The following MCCD1 variants were observed in gnomAD, a reference collection of about 807,000 sequenced individuals.
MCCD1 encodes mitochondrial coiled-coil domain 1.
MCCD1 carries 5 observed loss-of-function variants against 5.6 expected under a neutral mutation model. That is an observed-to-expected ratio of 0.89 (90% CI 0.46 to 1.87). The LOEUF (loss-of-function observed/expected upper bound fraction) is 1.87, where lower values mean the gene tolerates loss of function less well. Ranked by LOEUF, MCCD1 falls within the 40% of genes most tolerant of loss-of-function variation. The pLI, the probability that MCCD1 is intolerant of heterozygous loss-of-function variation, is 0.01. For synonymous variants in MCCD1, 70 were observed against 57.3 expected (o/e 1.22, Z -1.00); for missense variants, 178 against 141.8 (o/e 1.26, Z -1.30).
Position 31,529,742 on chromosome 6 carries a change from A to G in MCCD1, c.172-5A>G. The G allele has an allele frequency of 6.9e-7, 1 of 1,459,728 alleles. No homozygotes were observed. The highest frequency in any genetic ancestry group is 9.1e-7 in the Non-Finnish European group (1 of 1,100,292). The allele number at this position is 1,459,728 out of a possible 1,614,324, so 90.4% of individuals were successfully genotyped here. On this transcript the variant is annotated splice_region_variant and splice_polypyrimidine_tract_variant and intron_variant, in intron 1 of 1. Coordinates refer to ENST00000376191, the MANE Select transcript of MCCD1 (RefSeq NM_001011700.3). The stretch of plus-strand genomic sequence containing the variant: ...TGATGCTCCCTCCCTTAATTCCCTG[A>G]CCAGGGCCCTGGGACCCACCGCACA...
In MCCD1 at chr6:31,529,906, C is replaced by A; in HGVS notation, c.331C>A (p.His111Asn). 2 of 1,545,328 alleles carry A rather than the reference C, an allele frequency of 1.3e-6. No individual in the cohort carries two copies. The highest frequency in any genetic ancestry group is 2.4e-5 in the South Asian group (2 of 83,846). ...IQKLKEQMRRHQESLGGGA is the reference protein window; with the variant it reads ...IQKLKEQMRRNQESLGGGA ...GAAGCTGAAGGAACAGATGAGGAGG[C>A]ACCAAGAGAGCCTTGGAGGAGGCGC... Residue 111 changes from histidine to asparagine, a missense_variant, in exon 2 of 2, where the codon CAC becomes AAC. Coordinates refer to ENST00000376191, the MANE Select transcript of MCCD1 (RefSeq NM_001011700.3).
In MCCD1 at chr6:31,528,966, C is replaced by A; in HGVS notation, c.-49C>A. On this transcript the variant is annotated 5_prime_UTR_variant, in exon 1 of 2. Transcript: ENST00000376191. ...GGCCAAGTCCTGGAGCGAACCAGTT[C>A]CTGGTGGCCGTTGGACAGCTCACAC... 6.4e-7 allele frequency: 1 copy of A among 1,573,022 alleles called. No homozygotes were observed. Among genetic ancestry groups the A allele is most frequent in the South Asian group, 1.1e-5 (1 of 87,254 alleles).
In MCCD1 at chr6:31,529,071, C is replaced by A. The variant is rs1373282821; in HGVS notation, c.57C>A (p.Pro19=). 1.2e-6 allele frequency: 2 copies of A among 1,612,754 alleles called. No individual in the cohort carries two copies. The highest frequency in any genetic ancestry group is 1.7e-6 in the Non-Finnish European group (2 of 1,179,928). ...SRYHFLRLLL[P]SWSLAPQGSH... ...ACCATTTCCTTCGCCTCCTTCTGCC[C>A]TCCTGGTCCTTGGCACCCCAGGGCT... is the stretch of plus-strand genomic sequence containing the variant. Residue 19 remains proline (P), a synonymous_variant, in exon 1 of 2, where the codon CCC becomes CCA. Transcript: ENST00000376191.
chr6:31,530,084 G>C lies in MCCD1; in HGVS notation c.*149G>C. 1.0e-5 allele frequency: 14 copies of C among 1,375,804 alleles called. No homozygotes were observed. The highest frequency in any genetic ancestry group is 1.2e-5 in the Non-Finnish European group (13 of 1,044,884). The allele number at this position is 1,375,804 out of a possible 1,614,324, so 85.2% of individuals were successfully genotyped here. On this transcript the variant is annotated 3_prime_UTR_variant, in exon 2 of 2. Coordinates refer to ENST00000376191, the MANE Select transcript of MCCD1 (RefSeq NM_001011700.3). The surrounding 1 kb of genome is among the most constrained non-coding windows in gnomAD (Gnocchi z 4.5). ...CGCAGGCAATTGGCAGGCAGTGGGGGAGCCAGGGCTCTGCAGTCTTAGTCC... is the reference window on the plus strand; with the variant it reads ...CGCAGGCAATTGGCAGGCAGTGGGGCAGCCAGGGCTCTGCAGTCTTAGTCC...
chr6:31,529,692 C>T, intron 1 of MCCD1, 55 bp from the exon 2 acceptor site: 2 of 1,390,972 alleles, frequency 1.4e-6, no homozygotes, highest in Non-Finnish European at 1.9e-6. Flanking sequence ...CAAAGCTTCC[C>T]AGGGCCTCAG....
Position 31,529,817 on chromosome 6 carries a change from A to C in MCCD1, c.242A>C (p.Tyr81Ser). The C allele has an allele frequency of 2.5e-6, 4 of 1,600,826 alleles. No homozygotes were observed. Among genetic ancestry groups the C allele is most frequent in the Non-Finnish European group, 3.4e-6 (4 of 1,174,692 alleles). Residue 81 changes from tyrosine (Y) to serine (S), a missense_variant, in exon 2 of 2, where the codon TAC becomes TCC. Tyr to Ser is a moderately radical substitution (Grantham distance 144). Coordinates refer to ENST00000376191, the MANE Select transcript of MCCD1 (RefSeq NM_001011700.3). ...EELLEQQLELYQALLEGQEGA... is the reference protein window; with the variant it reads ...EELLEQQLELSQALLEGQEGA... ...TTGTTGGAGCAGCAGCTGGAGCTGT[A>C]CCAGGCCCTCCTTGAAGGGCAGGAG...
At position 31,529,161 on chromosome 6, in the gene MCCD1, T is replaced by C; in HGVS notation, c.147T>C (p.Asn49=). 2.5e-6 allele frequency: 4 copies of C among 1,612,194 alleles called. No homozygotes were observed. Among genetic ancestry groups the C allele is most frequent in the Non-Finnish European group, 3.4e-6 (4 of 1,179,708 alleles). ...SMEEQTSSRG[N]GKMTSPPRGP... ...AAGAGCAGACCAGCTCCAGAGGAAATGGGAAGATGACGTCCCCTCCCAGGG... is the reference window on the plus strand; with the variant it reads ...AAGAGCAGACCAGCTCCAGAGGAAACGGGAAGATGACGTCCCCTCCCAGGG... Residue 49 remains asparagine, a synonymous_variant, in exon 1 of 2, where the codon AAT becomes AAC. Transcript: ENST00000376191.
chr6:31,529,833 A>G lies in MCCD1; in HGVS notation c.258A>G (p.Glu86=), dbSNP rs1766939149. ...QQLELYQALL[E]GQEGAWEAQA... ...TGGAGCTGTACCAGGCCCTCCTTGAAGGGCAGGAGGGAGCCTGGGAGGCCC... is the reference window on the plus strand; with the variant it reads ...TGGAGCTGTACCAGGCCCTCCTTGAGGGGCAGGAGGGAGCCTGGGAGGCCC... Residue 86 remains glutamate, a synonymous_variant, in exon 2 of 2, where the codon GAA becomes GAG. Transcript: ENST00000376191. 6.3e-7 allele frequency: 1 copy of G among 1,595,136 alleles called. No individual in the cohort carries two copies. Among genetic ancestry groups the G allele is most frequent in the Non-Finnish European group, 8.5e-7 (1 of 1,172,404 alleles).
chr6:31,529,076 G>C lies in MCCD1; in HGVS notation c.62G>C (p.Trp21Ser). 6.2e-7 allele frequency: 1 copy of C among 1,612,596 alleles called. No individual in the cohort carries two copies. Residue 21 changes from tryptophan to serine, a missense_variant, in exon 1 of 2, where the codon TGG (tryptophan) becomes TCG (serine). Trp to Ser is a radical substitution (Grantham distance 177). Coordinates refer to ENST00000376191, the MANE Select transcript of MCCD1 (RefSeq NM_001011700.3). ...TTCCTTCGCCTCCTTCTGCCCTCCT[G>C]GTCCTTGGCACCCCAGGGCTCCCAT... ...YHFLRLLLPSWSLAPQGSHGC... is the reference protein window; with the variant it reads ...YHFLRLLLPSSSLAPQGSHGC...
chr6:31,529,475 CTCT>C (rs1766889065), intron 1 of MCCD1, among the ~76,000 whole-genome samples: 1 of 147,642 alleles, frequency 6.8e-6, no homozygotes, highest in African/African-American at 2.5e-5. Flanking sequence ...GCAGCTGATC[CTCT>C]TTCCAGTGAC....
Position 31,529,090 on chromosome 6 carries a change from C to G in MCCD1, c.76C>G (p.Gln26Glu). The G allele has an allele frequency of 6.2e-7, 1 of 1,612,784 alleles. No homozygotes were observed. Among genetic ancestry groups the G allele is most frequent in the Non-Finnish European group, 8.5e-7 (1 of 1,179,880 alleles). Residue 26 changes from glutamine (Q) to glutamate (E), a missense_variant, in exon 1 of 2, where the codon CAG (glutamine) becomes GAG (glutamate). Transcript: ENST00000376191. ...TCTGCCCTCCTGGTCCTTGGCACCC[C>G]AGGGCTCCCATGGGTGCTGCTCCCA... ...LLLPSWSLAP[Q>E]GSHGCCSQNP... is the part of the protein sequence containing the mutation.
chr6:31,529,251 C>A (rs1284806465), intron 1 of MCCD1, 66 bp downstream of exon 1: 4 of 1,485,432 alleles, frequency 2.7e-6, no homozygotes, highest in South Asian at 1.2e-5. Flanking sequence ...GAAAAAAAAA[C>A]CCTCAATCCC....
rs763709499 is a variant in MCCD1, at chr6:31,530,135, C to T, written c.*200C>T. 9.2e-7 allele frequency: 1 copy of T among 1,085,428 alleles called. No individual in the cohort carries two copies. The highest frequency in any genetic ancestry group is 1.3e-6 in the Non-Finnish European group (1 of 786,982). The allele number at this position is 1,085,428 out of a possible 1,614,324, so 67.2% of individuals were successfully genotyped here. On this transcript the variant is annotated 3_prime_UTR_variant, in exon 2 of 2. Coordinates refer to ENST00000376191, the MANE Select transcript of MCCD1 (RefSeq NM_001011700.3). This position sits in a 1 kb window ranked among gnomAD's most constrained non-coding sequence, Gnocchi z 4.5. ...CATTCCCCTTTGATCTCACAGCAGG[C>T]AGGGCACCCAGGCCTTATAGGAATT...
In MCCD1 at chr6:31,529,903, A is replaced by T; in HGVS notation, c.328A>T (p.Arg110Trp). ...KIQKLKEQMRRHQESLGGGA is the reference protein window; with the variant it reads ...KIQKLKEQMRWHQESLGGGA ...CCAGAAGCTGAAGGAACAGATGAGG[A>T]GGCACCAAGAGAGCCTTGGAGGAGG... The change falls in exon 2 of 2, where the codon AGG (arginine) becomes TGG (tryptophan). Residue 110 changes from arginine (R) to tryptophan (W), a missense_variant. Transcript: ENST00000376191. The T allele has an allele frequency of 1.3e-6, 2 of 1,548,232 alleles. No individual in the cohort carries two copies. Among genetic ancestry groups the T allele is most frequent in the Non-Finnish European group, 8.7e-7 (1 of 1,146,118 alleles).
Position 31,530,011 on chromosome 6 carries a change from A to C in MCCD1, c.*76A>C. ...CCCACCAGGAGCCTTGGGATCATAA[A>C]CACCCCAGCGTCTTCCCAGGCCAGA... On this transcript the variant is annotated 3_prime_UTR_variant, in exon 2 of 2. Coordinates refer to ENST00000376191, the MANE Select transcript of MCCD1 (RefSeq NM_001011700.3). This position sits in a 1 kb window ranked among gnomAD's most constrained non-coding sequence, Gnocchi z 4.5. 1 of 1,429,344 alleles carries C rather than the reference A, an allele frequency of 7.0e-7. No homozygotes were observed. Among genetic ancestry groups the C allele is most frequent in the Non-Finnish European group, 9.2e-7 (1 of 1,086,958 alleles). The allele number at this position is 1,429,344 out of a possible 1,614,324, so 88.5% of individuals were successfully genotyped here.
intron 1 of MCCD1, 34 bp downstream of exon 1, chr6:31,529,219 G>C (rs760318622): frequency 2.5e-6 from 4 of 1,600,602 alleles, no homozygotes; most frequent in Non-Finnish European, 3.4e-6. Context: ...CAGAGGGTGT[G>C]AGAATTTACA....
At position 31,529,780 on chromosome 6, in the gene MCCD1, C is replaced by G. The variant is rs759039427; in HGVS notation, c.205C>G (p.Arg69Gly). ...PGTHRTAELARAEELLEQQLE... is the reference protein window; with the variant it reads ...PGTHRTAELAGAEELLEQQLE... ...GACCCACCGCACAGCTGAGCTGGCCCGAGCTGAAGAGTTGTTGGAGCAGCA... is the reference window on the plus strand; with the variant it reads ...GACCCACCGCACAGCTGAGCTGGCCGGAGCTGAAGAGTTGTTGGAGCAGCA... The change falls in exon 2 of 2, where the codon CGA becomes GGA. Residue 69 changes from arginine (R) to glycine (G), a missense_variant. Transcript: ENST00000376191. The G allele has an allele frequency of 1.9e-6, 3 of 1,560,054 alleles. No homozygotes were observed. The highest frequency in any genetic ancestry group is 1.2e-5 in the South Asian group (1 of 86,026).
chr6:31,529,675 C>A, intron 1 of MCCD1, 72 bp from the exon 2 acceptor site: 1 of 1,373,106 alleles, frequency 7.3e-7, no homozygotes, highest in South Asian at 1.9e-5. Flanking sequence ...CCAGCCACAG[C>A]CTGCAACAAA....
rs1329527311 is a variant in MCCD1, at chr6:31,529,809, G to A, written c.234G>A (p.Leu78=). The change falls in exon 2 of 2, where the codon CTG becomes CTA. Residue 78 remains leucine, a synonymous_variant. Transcript: ENST00000376191. ...CTGAAGAGTTGTTGGAGCAGCAGCTGGAGCTGTACCAGGCCCTCCTTGAAG... is the reference window on the plus strand; with the variant it reads ...CTGAAGAGTTGTTGGAGCAGCAGCTAGAGCTGTACCAGGCCCTCCTTGAAG... ...ARAEELLEQQ[L]ELYQALLEGQ... 1.3e-6 allele frequency: 2 copies of A among 1,591,554 alleles called. No individual in the cohort carries two copies. The highest frequency in any genetic ancestry group is 1.3e-5 in the African/African-American group (1 of 74,204).
Sources: allele counts gnomAD v4.1 joint callset (sites outside exome capture counted in the v4.1 genomes callset), GRCh38; gene constraint gnomAD v4.1.1; non-coding constraint Gnocchi (gnomAD v3.1); transcripts MANE v1.5; gene names NCBI Gene and HGNC (gene_info 2026-07-23, HGNC 2026-07-21).